Variants in HS3ST4 observed in about 807,000 individuals in gnomAD.
HS3ST4 encodes heparan sulfate-glucosamine 3-sulfotransferase 4, also known as heparan sulfate glucosamine 3-O-sulfotransferase 4.
In HS3ST4, 17 loss-of-function variants were observed where a neutral mutation model predicts 29.2. The observed-to-expected ratio is 0.58, with a 90% confidence interval of 0.40 to 0.87. The LOEUF is 0.87. HS3ST4 is among the 40% of genes least tolerant of loss of function. The pLI, the probability that HS3ST4 is intolerant of heterozygous loss-of-function variation, is 0.00. For missense variants in HS3ST4, 627 were observed against 634.5 expected, an observed-to-expected ratio of 0.99 and a Z score of 0.13; for synonymous variants, 314 against 285.7, an observed-to-expected ratio of 1.10 and a Z score of -1.00.
chr16:25,695,898 G>A (rs189624180), intron 1 of HS3ST4, among the ~76,000 whole-genome samples: 4 of 152,314 alleles, frequency 2.6e-5, no homozygotes, highest in Admixed American at 2.6e-4. Flanking sequence ...TTTTCAGCAA[G>A]AGGGAGAGCC....
At chr16:26,006,480 A>G (rs532258408) in intron 1 of HS3ST4, among the ~76,000 whole-genome samples, 2 of 152,154 alleles carry the variant, frequency 1.3e-5, no homozygotes, top group African/African-American at 4.8e-5. Flanking sequence ...GGGGACTGCA[A>G]TAGAGAATGA....
At chr16:26,040,750 A>G (rs1257923059) in intron 1 of HS3ST4, among the ~76,000 whole-genome samples, 3 of 152,116 alleles carry the variant, frequency 2.0e-5, no homozygotes, top group Admixed American at 6.5e-5. Context: ...TATGGAAGTC[A>G]TAAGTATTAC....
At chr16:25,955,130 C>T (rs918713427) in intron 1 of HS3ST4, among the ~76,000 whole-genome samples, 5 of 152,074 alleles carry the variant, frequency 3.3e-5, no homozygotes, top group Non-Finnish European at 7.4e-5. Context: ...CTGCTACATC[C>T]CTCCCTTGTC....
At chr16:25,726,819 G>A (rs4787745) in intron 1 of HS3ST4, among the ~76,000 whole-genome samples, 135,557 of 152,256 alleles carry the variant, frequency 0.89, 60,505 homozygotes, top group Middle Eastern at 0.94. Flanking sequence ...CCCATGCAAC[G>A]TGCTCTGTAG....
intron 1 of HS3ST4, among the ~76,000 whole-genome samples, chr16:25,794,716 G>A (rs1966878113): frequency 6.6e-6 from 1 of 151,602 alleles, no homozygotes; most frequent in African/African-American, 2.4e-5. Context: ...AGGTATTTAG[G>A]TGTAATTGTT....
chr16:26,129,480 G>A (rs935253766), intron 1 of HS3ST4, among the ~76,000 whole-genome samples: 1 of 152,174 alleles, frequency 6.6e-6, no homozygotes, highest in Admixed American at 6.6e-5. Flanking sequence ...TTCCTGATCC[G>A]TAAAGTGGGG....
intron 1 of HS3ST4, among the ~76,000 whole-genome samples, chr16:26,080,460 A>G (rs1898712207): frequency 6.6e-6 from 1 of 152,174 alleles, no homozygotes; most frequent in Non-Finnish European, 1.5e-5. Context: ...CCCTGAAAGA[A>G]TGGTGTGATA....
chr16:25,722,970 G>A (rs1245294962), intron 1 of HS3ST4, among the ~76,000 whole-genome samples: 1 of 152,200 alleles, frequency 6.6e-6, no homozygotes, highest in Non-Finnish European at 1.5e-5. Flanking sequence ...CAATCATGGT[G>A]GAAGGGGAAA....
chr16:26,000,647 G>T (rs781337431), intron 1 of HS3ST4, among the ~76,000 whole-genome samples: 4 of 152,174 alleles, frequency 2.6e-5, no homozygotes, highest in Non-Finnish European at 5.9e-5. Context: ...TATTGGACAG[G>T]TAAACAGCTT....
At chr16:25,946,286 A>C (rs962518232) in intron 1 of HS3ST4, among the ~76,000 whole-genome samples, 2 of 152,240 alleles carry the variant, frequency 1.3e-5, no homozygotes, top group Non-Finnish European at 2.9e-5. Context: ...GCCATATTGC[A>C]GTGTGTTAAG....
At chr16:26,119,782 A>T (rs4377160) in intron 1 of HS3ST4, among the ~76,000 whole-genome samples, 48,244 of 151,986 alleles carry the variant, frequency 0.32, 7,785 homozygotes, top group East Asian at 0.39. Flanking sequence ...GCATGCTGGG[A>T]GCACACAAAC....
intron 1 of HS3ST4, among the ~76,000 whole-genome samples, chr16:25,697,321 G>A (rs1285863788): frequency 6.6e-6 from 1 of 152,074 alleles, no homozygotes; most frequent in African/African-American, 2.4e-5. Context: ...AGTAATGGAT[G>A]GCCCAGAGCT....
intron 1 of HS3ST4, among the ~76,000 whole-genome samples, chr16:26,025,583 T>C (rs9928355): frequency 0.2 from 30,431 of 152,086 alleles, 6,080 homozygotes; most frequent in African/African-American, 0.51. Context: ...GATGTGCCAC[T>C]GGTTCTTTAT....
intron 1 of HS3ST4, among the ~76,000 whole-genome samples, chr16:26,099,163 AT>A (rs1408074154): frequency 2.0e-5 from 3 of 151,932 alleles, no homozygotes; most frequent in Admixed American, 6.6e-5. Context: ...GTCAGAGCTA[AT>A]TTTTTTTAGA....
chr16:26,066,808 T>C (rs1898548384), intron 1 of HS3ST4, among the ~76,000 whole-genome samples: 1 of 152,246 alleles, frequency 6.6e-6, no homozygotes, highest in African/African-American at 2.4e-5. Context: ...CTACATTCTT[T>C]CTATGACCAA....
rs377767051 is a variant in HS3ST4, at chr16:26,094,623, A to G, written c.735-40989A>G. On this transcript the variant is annotated intron_variant, in intron 1 of 1. Transcript: ENST00000331351. ...AGAGCTCCTGAAGGAAGCACTGAAC[A>G]TGGAAAGAAACAATCAGTACCAGCC... is the stretch of plus-strand genomic sequence containing the variant. Among the ~76,000 whole-genome samples, 15 of 152,356 alleles carry G rather than the reference A, an allele frequency of 9.8e-5. No homozygotes were observed. The South Asian group carries it at 2.3e-3, about 23-fold the overall frequency.
At chr16:25,959,351 G>A (rs892958298) in intron 1 of HS3ST4, among the ~76,000 whole-genome samples, 11 of 152,226 alleles carry the variant, frequency 7.2e-5, no homozygotes, top group Admixed American at 3.3e-4. Context: ...AGGATGCAAT[G>A]TCAGTATCCA....
chr16:26,059,539 G>T (rs1048770739), intron 1 of HS3ST4, among the ~76,000 whole-genome samples: 17 of 152,088 alleles, frequency 1.1e-4, no homozygotes, highest in Admixed American at 9.8e-4. Flanking sequence ...ATTAATTAAC[G>T]AAGTCATTCA....
intron 1 of HS3ST4, among the ~76,000 whole-genome samples, chr16:25,736,821 T>G (rs1966613128): frequency 6.6e-6 from 1 of 152,104 alleles, no homozygotes; most frequent in Non-Finnish European, 1.5e-5. Context: ...CCTAGGATTT[T>G]CTTCCATGAT....
Sources: gnomAD v4.1 joint callset for allele counts (sites outside exome capture counted in the v4.1 genomes callset) on GRCh38, gnomAD v4.1.1 for gene constraint, MANE v1.5 for transcripts, NCBI Gene and HGNC (gene_info 2026-07-23, HGNC 2026-07-21) for gene names.